The following TMED5 variants were observed in gnomAD, a reference collection of about 807,000 sequenced individuals.
The protein encoded by TMED5 is transmembrane emp24 domain-containing protein 5.
In TMED5, 27 loss-of-function variants were observed where a neutral mutation model predicts 23.0. The observed-to-expected ratio is 1.17, with a 90% CI of 0.86 to 1.62. TMED5 has a LOEUF of 1.62. TMED5 is among the 40% of genes most tolerant of loss of function. TMED5 has a pLI of 0.00. For synonymous variants in TMED5, 97 were observed against 100.8 expected (o/e 0.96, Z 0.23); for missense variants, 248 against 273.7 (o/e 0.91, Z 0.66).
At chr1:93,170,327 G>A (rs904143341) in intron 1 of TMED5, among the ~76,000 whole-genome samples, 2 of 152,246 alleles carry the variant, frequency 1.3e-5, no homozygotes, top group Non-Finnish European at 2.9e-5. Flanking sequence ...CTCGAGTTCC[G>A]GGTGGGCGTG....
In TMED5 at chr1:93,155,970, A is replaced by T. The variant is rs375140029; in HGVS notation, c.471+330T>A. 43 of 813,474 alleles carry T rather than the reference A, an allele frequency of 5.3e-5. No individual in the cohort carries two copies. The East Asian group carries it at 5.4e-4, about 10-fold the overall frequency. 50.4% of individuals were successfully genotyped at this position (813,474 alleles called of 1,614,324 possible). ...ATTTTACTTTTCATATGCCTGCTGT[A>T]TAATCAGAAGCATAATCTATTTATA... is the stretch of plus-strand genomic sequence containing the variant. On this transcript the variant is annotated intron_variant, in intron 3 of 3. Transcript: ENST00000370282.
rs142703405 is a variant in TMED5 at position 93,156,328 on chromosome 1, A to T, written c.443T>A (p.Ile148Lys). Residue 148 changes from isoleucine to lysine, a missense_variant, in exon 3 of 4, where the codon ATA becomes AAA. Physicochemically the swap from Ile to Lys is moderately radical, Grantham distance 102. Transcript: ENST00000370282. ...GATGTCTTCCAGTTTCATATCCAAT[A>T]TATCTGTGCCAGTAATATATTTCTT... Reference protein sequence around the residue: ...DWKKYITGTDILDMKLEDILE... With the variant: ...DWKKYITGTDKLDMKLEDILE... 6.2e-7 allele frequency: 1 copy of T among 1,613,896 alleles called. No homozygotes were observed. Among genetic ancestry groups the T allele is most frequent in the East Asian group, 2.2e-5 (1 of 44,832 alleles).
intron 2 of TMED5, 152 bp downstream of exon 2, chr1:93,159,977 T>C (rs554414659): frequency 6.2e-6 from 3 of 481,376 alleles, no homozygotes; most frequent in Admixed American, 3.4e-5. Flanking sequence ...GATGTTTTTG[T>C]TTATCAGATG....
Position 93,180,095 on chromosome 1 carries a change from G to A in TMED5, c.148C>T (p.Gln50Ter). 6.2e-7 allele frequency: 1 copy of A among 1,613,584 alleles called. No individual in the cohort carries two copies. Among genetic ancestry groups the A allele is most frequent in the Non-Finnish European group, 8.5e-7 (1 of 1,179,742 alleles). The change falls in exon 1 of 4, where the codon CAG (glutamine) becomes TAG (stop). Residue 50 changes from glutamine to a stop codon, truncating the protein, a stop_gained. Transcript: ENST00000370282. LOFTEE classifies it high-confidence loss of function. ...LPAGQKECFYQPMPLKASLEI... is the reference protein window; with the variant it reads ...LPAGQKECFY ...AGCGAGGCCTTCAGGGGCATGGGCTGGTAGAAGCACTCCTTCTGGCCGGCG... is the reference window on the plus strand; with the variant it reads ...AGCGAGGCCTTCAGGGGCATGGGCTAGTAGAAGCACTCCTTCTGGCCGGCG...
chr1:93,163,813 TAA>T (rs112859271), intron 1 of TMED5, among the ~76,000 whole-genome samples: 3 of 141,638 alleles, frequency 2.1e-5, no homozygotes, highest in Non-Finnish European at 3.1e-5. Context: ...CTGTCTCTAA[TAA>T]AAAAAAAAAA....
At chr1:93,169,602 A>AG (rs1233736549) in intron 1 of TMED5, among the ~76,000 whole-genome samples, 1 of 151,690 alleles carries the variant, frequency 6.6e-6, no homozygotes, top group Admixed American at 6.6e-5. Context: ...CAGAAAAAAA[A>AG]AAATCAATGA....
chr1:93,169,750 T>C (rs1410877613), intron 1 of TMED5, among the ~76,000 whole-genome samples: 1 of 151,964 alleles, frequency 6.6e-6, no homozygotes. Context: ...TCTATGGACA[T>C]TAAAAAGATA....
In TMED5 at chr1:93,174,068, C is replaced by G. The variant is rs57736306; in HGVS notation, c.189+5986G>C. 3.2e-4 allele frequency among the ~76,000 whole-genome samples: 49 copies of G among 152,270 alleles called. No individual in the cohort carries two copies. In the East Asian group the frequency reaches 8.7e-3, roughly 27 times the overall value. ...TGCTTTCCGGGTTCAAGTGATTCTC[C>G]TGCCTCAGCCTCCCGAGTAGCTGGG... On this transcript the variant is annotated intron_variant, in intron 1 of 3. Coordinates refer to ENST00000370282, the MANE Select transcript of TMED5 (RefSeq NM_016040.5).
intron 1 of TMED5, among the ~76,000 whole-genome samples, chr1:93,175,340 C>T (rs1333577605): frequency 7.0e-6 from 1 of 143,212 alleles, no homozygotes; most frequent in African/African-American, 2.6e-5. Context: ...CACACACACA[C>T]ATATATGGCT....
chr1:93,175,195 A>ATATATATATATATATATG (rs1648868118), intron 1 of TMED5, among the ~76,000 whole-genome samples: 1 of 142,452 alleles, frequency 7.0e-6, no homozygotes, highest in Non-Finnish European at 1.5e-5. Context: ...ATATATATAT[A>ATATATATATATATATATG]TATATAAATG....
In TMED5 at chr1:93,150,095, A is replaced by G. The variant is rs978057428; in HGVS notation, c.*4575T>C. Reference sequence around the variant, plus strand: ...AATCAAACTACAGAACTTTTCCACCACAAGGCTCCCTTTATAGCCACATTC... The same window carrying G: ...AATCAAACTACAGAACTTTTCCACCGCAAGGCTCCCTTTATAGCCACATTC... On this transcript the variant is annotated 3_prime_UTR_variant, in exon 4 of 4. Transcript: ENST00000370282. The G allele has an allele frequency of 6.6e-6, 1 of 152,236 alleles. No individual in the cohort carries two copies. Among genetic ancestry groups the G allele is most frequent in the South Asian group, 2.1e-4 (1 of 4,834 alleles). The allele number at this position is 152,236 out of a possible 1,614,324, so 9.4% of individuals were successfully genotyped here.
chr1:93,151,931 G>C lies in TMED5; in HGVS notation c.*2739C>G, dbSNP rs1272687871. The C allele has an allele frequency of 6.6e-6, 1 of 152,360 alleles. No homozygotes were observed. The highest frequency in any genetic ancestry group is 2.4e-5 in the African/African-American group (1 of 41,432). The allele number at this position is 152,360 out of a possible 1,614,324, so 9.4% of individuals were successfully genotyped here. A position where few individuals can be genotyped will look rare whatever the true frequency, so the allele number is the denominator to read the frequency against. The stretch of plus-strand genomic sequence containing the variant: ...TAAGATGGCTGTTTATAAGTATAAA[G>C]CAGTTTGAGCAACACTGATTGTGCA... On this transcript the variant is annotated 3_prime_UTR_variant, in exon 4 of 4. Transcript: ENST00000370282.
rs937729526 is a variant in TMED5 at position 93,179,869 on chromosome 1, G to A, written c.189+185C>T. 40 of 572,422 alleles carry A rather than the reference G, an allele frequency of 7.0e-5. No individual in the cohort carries two copies. In the East Asian group the frequency reaches 1.3e-3, roughly 18 times the overall value. The allele number at this position is 572,422 out of a possible 1,614,324, so 35.5% of individuals were successfully genotyped here. A position where few individuals can be genotyped will look rare whatever the true frequency, so the allele number is the denominator to read the frequency against. On this transcript the variant is annotated intron_variant, in intron 1 of 3. Coordinates refer to ENST00000370282, the MANE Select transcript of TMED5 (RefSeq NM_016040.5). ...CAATTCCAGGTCCAGCCTAAGTTCT[G>A]GGTCCCCGGCCCCAGCGAGAGCCTC... is the stretch of plus-strand genomic sequence containing the variant.
In TMED5 at chr1:93,156,438, T is replaced by G. The variant is rs1445905595; in HGVS notation, c.333A>C (p.Thr111=). ...VGDYMFCFDN[T]FSTISEKVIF... ...TCACCTTCTCAGAAATGGTGCTGAA[T>G]GTATTGTCAAAGCAGAACATGTAAT... is the stretch of plus-strand genomic sequence containing the variant. The change falls in exon 3 of 4, where the codon ACA becomes ACC. Residue 111 remains threonine (T), a synonymous_variant. Transcript: ENST00000370282. 3 of 1,613,844 alleles carry G rather than the reference T, an allele frequency of 1.9e-6. No homozygotes were observed. Among genetic ancestry groups the G allele is most frequent in the Admixed American group, 3.3e-5 (2 of 59,998 alleles).
chr1:93,170,636 G>A (rs1325161606), intron 1 of TMED5, among the ~76,000 whole-genome samples: 1 of 152,256 alleles, frequency 6.6e-6, no homozygotes, highest in Non-Finnish European at 1.5e-5. Context: ...GGACTGGCAG[G>A]CAGCTCCACC....
At chr1:93,179,244 C>CT (rs1649116351) in intron 1 of TMED5, among the ~76,000 whole-genome samples, 1 of 152,024 alleles carries the variant, frequency 6.6e-6, no homozygotes, top group Non-Finnish European at 1.5e-5. Context: ...CGTCTGTAAT[C>CT]TCAGCTACTC....
intron 1 of TMED5, among the ~76,000 whole-genome samples, chr1:93,170,309 C>T (rs1349058383): frequency 1.3e-5 from 2 of 152,330 alleles, no homozygotes; most frequent in South Asian, 2.1e-4. Flanking sequence ...GTGATGCTTG[C>T]GGGCCAGCTC....
chr1:93,173,682 G>T (rs573800150), intron 1 of TMED5, among the ~76,000 whole-genome samples: 1 of 152,164 alleles, frequency 6.6e-6, no homozygotes, highest in Non-Finnish European at 1.5e-5. Flanking sequence ...GAGCAGAGCC[G>T]TAAGAACCAG....
chr1:93,168,070 T>G (rs1648570196), intron 1 of TMED5, among the ~76,000 whole-genome samples: 1 of 152,166 alleles, frequency 6.6e-6, no homozygotes, highest in Admixed American at 6.5e-5. Context: ...TACTGATTGA[T>G]TTGAGAATGC....
Sources: gnomAD v4.1 joint callset for allele counts (sites outside exome capture counted in the v4.1 genomes callset) on GRCh38, gnomAD v4.1.1 for gene constraint, MANE v1.5 for transcripts, NCBI Gene and HGNC (gene_info 2026-07-23, HGNC 2026-07-21) for gene names.